Variants in RBFOX1 observed in about 807,000 individuals in gnomAD.
RBFOX1 encodes RNA binding fox-1 homolog 1.
A neutral mutation model predicts 57.7 loss-of-function variants in RBFOX1; 8 were observed. That is an observed-to-expected ratio of 0.14 (90% CI 0.08 to 0.25). The LOEUF (loss-of-function observed/expected upper bound fraction) is 0.25. Among genes scored for constraint, RBFOX1 ranks in the 10% least tolerant of loss-of-function variants. The pLI, the probability that RBFOX1 is intolerant of heterozygous loss-of-function variation, is 1.00. For missense variants in RBFOX1, 611 were observed against 548.5 expected, an observed-to-expected ratio of 1.11 and a Z score of -1.14; for synonymous variants, 326 against 222.4, an observed-to-expected ratio of 1.47 and a Z score of -4.15.
chr16:6,728,537 G>C (rs1217567948), intron 3 of RBFOX1, among the ~76,000 whole-genome samples: 4 of 152,166 alleles, frequency 2.6e-5, no homozygotes, highest in Non-Finnish European at 5.9e-5. Context: ...GTGGTGACAT[G>C]TAGCAAACAG....
intron 3 of RBFOX1, among the ~76,000 whole-genome samples, chr16:5,732,610 T>C (rs1457118473): frequency 6.6e-6 from 1 of 152,240 alleles, no homozygotes; most frequent in Non-Finnish European, 1.5e-5. Context: ...TCTCCGTTTC[T>C]GCACTTGTAA....
At chr16:7,328,221 C>G (rs2096637363) in intron 4 of RBFOX1, among the ~76,000 whole-genome samples, 2 of 152,098 alleles carry the variant, frequency 1.3e-5, no homozygotes, top group Admixed American at 1.3e-4. Flanking sequence ...GTGGCTCATG[C>G]CTGTAATCCC....
rs112178346 is a variant in RBFOX1, at chr16:7,334,607, C to A, written c.28-183540C>A. ...AGTGCCGGTGTAGGAAAAATAACGG[C>A]ACCCACTGAAATGGGTGAATGTAAT... is the stretch of plus-strand genomic sequence containing the variant. On this transcript the variant is annotated intron_variant, in intron 4 of 15. Coordinates refer to ENST00000550418, the MANE Select transcript of RBFOX1 (RefSeq NM_018723.4). 3.1e-4 allele frequency among the ~76,000 whole-genome samples: 47 copies of A among 152,280 alleles called. 1 individual carries two copies. Among genetic ancestry groups the A allele is most frequent in the African/African-American group, 9.6e-4 (40 of 41,556 alleles).
At chr16:5,248,781 G>T (rs1034981362) in intron 1 of RBFOX1, among the ~76,000 whole-genome samples, 1 of 152,144 alleles carries the variant, frequency 6.6e-6, no homozygotes, top group South Asian at 2.1e-4. Flanking sequence ...CTGAGGTCAG[G>T]ACTTTGAGAC....
rs979827619 is a variant in RBFOX1, at chr16:6,392,248, C to T, written c.-64+75191C>T. On this transcript the variant is annotated intron_variant, in intron 2 of 15. Coordinates refer to ENST00000550418, the MANE Select transcript of RBFOX1 (RefSeq NM_018723.4). ...CTAAGTATTTAAGATGTTCTCCAAG[C>T]GTTTTAACTGAAGACACTGCGTCTT... Among the ~76,000 whole-genome samples, 7 of 152,108 alleles carry T rather than the reference C, an allele frequency of 4.6e-5. No individual in the cohort carries two copies. The East Asian group carries it at 7.7e-4, about 17-fold the overall frequency.
chr16:6,722,111 G>C (rs12709155), intron 3 of RBFOX1, among the ~76,000 whole-genome samples: 115,075 of 152,150 alleles, frequency 0.76, 46,537 homozygotes, highest in South Asian at 0.97. Context: ...GTATAAGCGC[G>C]GTTGCACAGA....
At chr16:6,616,875 G>C (rs2098149978) in intron 2 of RBFOX1, among the ~76,000 whole-genome samples, 1 of 152,200 alleles carries the variant, frequency 6.6e-6, no homozygotes, top group African/African-American at 2.4e-5. Flanking sequence ...GCCTCTGTCT[G>C]TTTATGTAAA....
chr16:5,877,462 A>T lies in RBFOX1; in HGVS notation c.351+10127A>T, dbSNP rs553859988. Among the ~76,000 whole-genome samples, 17 of 152,378 alleles carry T rather than the reference A, an allele frequency of 1.1e-4. 1 individual carries two copies. In the East Asian group the frequency reaches 2.7e-3, roughly 24 times the overall value. ...GAGGGGGCTGTTTAGCTCTCCCAGG[A>T]AGCCTGGCTTCAGATGAGATGGGTC... On this transcript the variant is annotated intron_variant, in intron 4 of 19. Coordinates refer to the RBFOX1 transcript ENST00000641259.
intron 2 of RBFOX1, among the ~76,000 whole-genome samples, chr16:6,563,846 ATGTGTG>A (rs774476004): frequency 6.6e-6 from 1 of 150,592 alleles, no homozygotes; most frequent in South Asian, 2.1e-4. Flanking sequence ...ATATATATAT[ATGTGTG>A]TGTGTGTGTG....
chr16:5,951,263 C>T (rs964107145), intron 4 of RBFOX1, among the ~76,000 whole-genome samples: 2 of 152,108 alleles, frequency 1.3e-5, no homozygotes, highest in African/African-American at 4.8e-5. Context: ...GCCTGGAGAA[C>T]ATGATGAAAC....
chr16:7,435,975 G>A (rs929754646), intron 4 of RBFOX1, among the ~76,000 whole-genome samples: 1 of 152,098 alleles, frequency 6.6e-6, no homozygotes, highest in Non-Finnish European at 1.5e-5. Flanking sequence ...ATGACATAGC[G>A]ACCTCTTTTC....
intron 1 of RBFOX1, among the ~76,000 whole-genome samples, chr16:6,228,734 A>G (rs564077360): frequency 2.6e-5 from 4 of 152,266 alleles, no homozygotes; most frequent in African/African-American, 9.6e-5. Flanking sequence ...GATCTATTGT[A>G]CAATATGGAG....
intron 1 of RBFOX1, among the ~76,000 whole-genome samples, chr16:5,277,407 C>A (rs2063167712): frequency 6.6e-6 from 1 of 151,992 alleles, no homozygotes; most frequent in Non-Finnish European, 1.5e-5. Flanking sequence ...AAGAACTTAT[C>A]CATGTAACAA....
At position 5,767,655 on chromosome 16, in the gene RBFOX1, C is replaced by G. The variant is rs149201900; in HGVS notation, c.319-99648C>G. On this transcript the variant is annotated intron_variant, in intron 3 of 19. Coordinates refer to the RBFOX1 transcript ENST00000641259. Reference sequence around the variant, plus strand: ...TGCCAGGACATTCTTGATGTCTTCCCCTTGGTATTTATAGGGTGGCTTTCC... The same window carrying G: ...TGCCAGGACATTCTTGATGTCTTCCGCTTGGTATTTATAGGGTGGCTTTCC... Among the ~76,000 whole-genome samples, 109 of 152,248 alleles carry G rather than the reference C, an allele frequency of 7.2e-4. 1 individual carries two copies. Among genetic ancestry groups the G allele is most frequent in the African/African-American group, 2.4e-3 (100 of 41,534 alleles).
In RBFOX1 at chr16:7,500,780, A is replaced by ATGGT. The variant is rs541227031; in HGVS notation, c.28-17365_28-17362dup. Among the ~76,000 whole-genome samples, 3 of 152,312 alleles carry ATGGT rather than the reference A, an allele frequency of 2.0e-5. No homozygotes were observed. In the East Asian group the frequency reaches 5.8e-4, roughly 29 times the overall value. ...TAACCTTTACAACCTATCCCATGAT[A>ATGGT]TGGTTTGTCAGTGTCCCCACTCAAA... On this transcript the variant is annotated intron_variant, in intron 4 of 15. Transcript: ENST00000550418.
intron 2 of RBFOX1, among the ~76,000 whole-genome samples, chr16:6,478,409 ATATATATATATATATATATATTT>A (rs368320590): frequency 0.2 from 6,181 of 30,626 alleles, 555 homozygotes; most frequent in East Asian, 0.44. Flanking sequence ...ATATATATAT[ATATATATATATATATATATATTT>A]TTTTTTTTTT....
rs569669151 is a variant in RBFOX1, at chr16:5,734,688, A to G, written c.319-132615A>G. On this transcript the variant is annotated intron_variant, in intron 3 of 19. Coordinates refer to the RBFOX1 transcript ENST00000641259. ...TTTGGTGCCAAACACCCACATTGCTATTGGGCAGCAGCTCTCAGATGACTT... is the reference window on the plus strand; with the variant it reads ...TTTGGTGCCAAACACCCACATTGCTGTTGGGCAGCAGCTCTCAGATGACTT... 1.5e-3 allele frequency among the ~76,000 whole-genome samples: 230 copies of G among 152,188 alleles called. 1 individual carries two copies. The Middle Eastern group carries it at 0.02, about 14-fold the overall frequency.
intron 1 of RBFOX1, among the ~76,000 whole-genome samples, chr16:5,343,183 A>G (rs2151298857): frequency 6.6e-6 from 1 of 152,240 alleles, no homozygotes; most frequent in Non-Finnish European, 1.5e-5. Flanking sequence ...AAGATGGGAG[A>G]CAAAGATAGA....
At chr16:7,574,829 A>G (rs2063087) in intron 5 of RBFOX1, among the ~76,000 whole-genome samples, 146,916 of 152,224 alleles carry the variant, frequency 0.97, 71,084 homozygotes, top group African/African-American at 0.99. Context: ...TGACAGCCTG[A>G]CAGGAACATT....
Sources: allele counts gnomAD v4.1 joint callset (sites outside exome capture counted in the v4.1 genomes callset), GRCh38; gene constraint gnomAD v4.1.1; transcripts MANE v1.5; gene names NCBI Gene and HGNC (gene_info 2026-07-23, HGNC 2026-07-21).